IL12RB2: variants seen among roughly 807,000 people sequenced by gnomAD.
IL12RB2 encodes interleukin-12 receptor subunit beta-2.
IL12RB2 carries 82 observed loss-of-function variants against 89.4 expected under a neutral mutation model. The observed-to-expected ratio is 0.92, with a 90% CI of 0.77 to 1.10. The LOEUF (loss-of-function observed/expected upper bound fraction) is 1.10, where lower values mean the gene tolerates loss of function less well. IL12RB2 is among the 50% of genes least tolerant of loss of function. IL12RB2 has a pLI of 0.00. For missense variants in IL12RB2, 963 were observed against 1,031.9 expected (o/e 0.93, Z 0.92); for synonymous variants, 368 against 370.1 (o/e 0.99, Z 0.07).
intron 1 of IL12RB2, among the ~76,000 whole-genome samples, chr1:67,312,109 AT>A (rs1450031152): frequency 1.3e-5 from 2 of 152,254 alleles, no homozygotes; most frequent in African/African-American, 2.4e-5. Context: ...TATTTTTAAA[AT>A]AAGGAAAGGA....
chr1:67,364,087 A>G (rs2100953544), intron 10 of IL12RB2, among the ~76,000 whole-genome samples: 1 of 152,336 alleles, frequency 6.6e-6, no homozygotes, highest in East Asian at 1.9e-4. Context: ...ATAAGAAATC[A>G]AATTTAAATA....
chr1:67,341,012 G>T lies in IL12RB2; in HGVS notation c.1038+2309G>T, dbSNP rs139335168. Among the ~76,000 whole-genome samples, 71 of 152,312 alleles carry T rather than the reference G, an allele frequency of 4.7e-4. 1 individual carries two copies. The East Asian group carries it at 0.012, about 26-fold the overall frequency. On this transcript the variant is annotated intron_variant, in intron 9 of 16. Coordinates refer to ENST00000674203, the MANE Select transcript of IL12RB2 (RefSeq NM_001374259.2). ...CACTTTGTAGTCTGCCCATGCCATG[G>T]TTGAACATCTCTTATTGTTTAGAAA...
chr1:67,394,529 A>C (rs1459891679), intron 16 of IL12RB2, among the ~76,000 whole-genome samples: 1 of 152,222 alleles, frequency 6.6e-6, no homozygotes, highest in East Asian at 1.9e-4. Flanking sequence ...TGTTACAAAC[A>C]AAATTAGCTA....
chr1:67,329,597 T>C lies in IL12RB2; in HGVS notation c.675T>C (p.Leu225=). ...TGTCCTGGTTACTAGTGAGGCCTCTTCCTCCGTGGGACATTAGAATCAAAT... is the reference window on the plus strand; with the variant it reads ...TGTCCTGGTTACTAGTGAGGCCTCTCCCTCCGTGGGACATTAGAATCAAAT... The part of the protein sequence containing the change: ...TFTFLDIVRP[L]PPWDIRIKFQ... Residue 225 remains leucine (L), a synonymous_variant, in exon 7 of 17, where the codon CTT becomes CTC. Coordinates refer to ENST00000674203, the MANE Select transcript of IL12RB2 (RefSeq NM_001374259.2). The C allele has an allele frequency of 6.3e-7, 1 of 1,584,986 alleles. No homozygotes were observed. Among genetic ancestry groups the C allele is most frequent in the Non-Finnish European group, 8.7e-7 (1 of 1,153,328 alleles).
chr1:67,361,609 A>G (rs140149900), intron 10 of IL12RB2, among the ~76,000 whole-genome samples: 114 of 152,332 alleles, frequency 7.5e-4, no homozygotes, highest in African/African-American at 2.4e-3. Context: ...TAAAACTGAA[A>G]AGCAAAGAGA....
At position 67,398,257 on chromosome 1, in the gene IL12RB2, C is replaced by G. The variant is rs1666472833; in HGVS notation, c.*2168C>G. Among the ~76,000 whole-genome samples the G allele has an allele frequency of 6.6e-6, 1 of 152,142 alleles. No individual in the cohort carries two copies. The highest frequency in any genetic ancestry group is 2.4e-5 in the African/African-American group (1 of 41,428). Reference sequence around the variant, plus strand: ...GCACAAACCATGACAGACAAGGCCACCTCCTCAGAAGCGGAACAACCTATT... The same window carrying G: ...GCACAAACCATGACAGACAAGGCCAGCTCCTCAGAAGCGGAACAACCTATT... On this transcript the variant is annotated 3_prime_UTR_variant, in exon 17 of 17. Transcript: ENST00000674203.
intron 9 of IL12RB2, among the ~76,000 whole-genome samples, chr1:67,345,175 GA>G (rs1244286582): frequency 6.6e-6 from 1 of 151,766 alleles, no homozygotes; most frequent in Non-Finnish European, 1.5e-5. Context: ...ATTTCAAAAA[GA>G]AAAAAAGAAA....
chr1:67,342,776 T>TTTTTTTA (rs1558319460), intron 9 of IL12RB2, among the ~76,000 whole-genome samples: 1 of 151,638 alleles, frequency 6.6e-6, no homozygotes, highest in Non-Finnish European at 1.5e-5. Flanking sequence ...TTTTTTTTTT[T>TTTTTTTA]TGAGACAGGG....
intron 16 of IL12RB2, among the ~76,000 whole-genome samples, chr1:67,390,455 C>CAT (rs374031883): frequency 3.7e-5 from 4 of 107,540 alleles, no homozygotes; most frequent in African/African-American, 1.4e-4. Flanking sequence ...GCAAACTTTC[C>CAT]TTTTTTTTTT....
At chr1:67,341,374 G>C (rs569485436) in intron 9 of IL12RB2, among the ~76,000 whole-genome samples, 9 of 151,618 alleles carry the variant, frequency 5.9e-5, no homozygotes, top group Non-Finnish European at 1.0e-4. Flanking sequence ...AGCTGAGATC[G>C]TGCCATAGTA....
At chr1:67,310,399 C>T (rs1654891207) in intron 1 of IL12RB2, among the ~76,000 whole-genome samples, 1 of 151,980 alleles carries the variant, frequency 6.6e-6, no homozygotes, top group African/African-American at 2.4e-5. Context: ...CAGTTCATGA[C>T]CTACGAAGTC....
intron 2 of IL12RB2, among the ~76,000 whole-genome samples, chr1:67,315,206 C>T (rs867583659): frequency 6.6e-6 from 1 of 151,802 alleles, no homozygotes; most frequent in African/African-American, 2.4e-5. Flanking sequence ...ATATAATATA[C>T]ACATATATTT....
intron 4 of IL12RB2, among the ~76,000 whole-genome samples, chr1:67,322,315 C>T (rs1656652527): frequency 6.6e-6 from 1 of 151,948 alleles, no homozygotes; most frequent in African/African-American, 2.4e-5. Context: ...TAATGCCTCC[C>T]AAAATAGTTC....
Position 67,351,087 on chromosome 1 carries a change from C to T in IL12RB2, c.1256C>T (p.Ala419Val). 1 of 1,612,488 alleles carries T rather than the reference C, an allele frequency of 6.2e-7. No homozygotes were observed. The highest frequency in any genetic ancestry group is 8.5e-7 in the Non-Finnish European group (1 of 1,179,808). The change falls in exon 10 of 17, where the codon GCA becomes GTA. Residue 419 changes from alanine to valine, a missense_variant and splice_region_variant. Physicochemically the swap from Ala to Val is moderately conservative, Grantham distance 64 (BLOSUM62 0). Transcript: ENST00000674203. Reference sequence around the variant, plus strand: ...ATTAACATAATGAACCTGTGTGAGGCAGGTAAGTTCTAATTTTTCTTTAAC... The same window carrying T: ...ATTAACATAATGAACCTGTGTGAGGTAGGTAAGTTCTAATTTTTCTTTAAC... ...TRINIMNLCE[A>V]GLLAPRQVSA...
chr1:67,376,837 C>G lies in IL12RB2; in HGVS notation c.1718-3149C>G, dbSNP rs192963596. On this transcript the variant is annotated intron_variant, in intron 13 of 16. Coordinates refer to ENST00000674203, the MANE Select transcript of IL12RB2 (RefSeq NM_001374259.2). ...CCCTCACAGAGTTGGACAGTTGATT[C>G]CCTGACACTTGCTGATGTTCTGCTG... is the stretch of plus-strand genomic sequence containing the variant. Among the ~76,000 whole-genome samples, 310 of 152,302 alleles carry G rather than the reference C, an allele frequency of 2.0e-3. 2 individuals carry two copies. The highest frequency in any genetic ancestry group is 7.3e-3 in the African/African-American group (302 of 41,574).
chr1:67,356,177 G>C (rs1001576896), intron 10 of IL12RB2, among the ~76,000 whole-genome samples: 1 of 152,240 alleles, frequency 6.6e-6, no homozygotes, highest in African/African-American at 2.4e-5. Flanking sequence ...CCAGTACACT[G>C]TCTACAGGCT....
chr1:67,391,398 C>T lies in IL12RB2; in HGVS notation c.2046+1270C>T, dbSNP rs1025375507. On this transcript the variant is annotated intron_variant, in intron 16 of 16. Transcript: ENST00000674203. ...GTGTGTGTGTGTCTATACACACACA[C>T]ACACACAAACTGCTGTTTTATATAT... 7.5e-5 allele frequency among the ~76,000 whole-genome samples: 11 copies of T among 147,472 alleles called. No individual in the cohort carries two copies. In the South Asian group the frequency reaches 1.1e-3, roughly 14 times the overall value.
In IL12RB2 at chr1:67,372,784, G is replaced by A. The variant is rs1663515188; in HGVS notation, c.1717+1G>A. The A allele has an allele frequency of 6.2e-7, 1 of 1,601,220 alleles. No individual in the cohort carries two copies. The highest frequency in any genetic ancestry group is 1.1e-5 in the South Asian group (1 of 90,848). Reference sequence around the variant, plus strand: ...TCCAACTCCCAGCCTCAGCTCTGTGGTATGTGTGAGAACCAAATGCAGTGA... The same window carrying A: ...TCCAACTCCCAGCCTCAGCTCTGTGATATGTGTGAGAACCAAATGCAGTGA... On this transcript the variant is annotated splice_donor_variant, in intron 13 of 16. Coordinates refer to ENST00000674203, the MANE Select transcript of IL12RB2 (RefSeq NM_001374259.2). LOFTEE classifies it high-confidence loss of function.
intron 16 of IL12RB2, among the ~76,000 whole-genome samples, chr1:67,394,943 C>T (rs1225904370): frequency 5.3e-5 from 8 of 152,122 alleles, no homozygotes; most frequent in Non-Finnish European, 1.2e-4. Context: ...CCTCTGTCCT[C>T]AAGGAAAAGC....
Sources: gnomAD v4.1 joint callset for allele counts (sites outside exome capture counted in the v4.1 genomes callset) on GRCh38, gnomAD v4.1.1 for gene constraint, MANE v1.5 for transcripts, NCBI Gene and HGNC (gene_info 2026-07-23, HGNC 2026-07-21) for gene names.